RYR2: variants seen among roughly 807,000 people sequenced by gnomAD.
The protein encoded by RYR2 is ryanodine receptor 2.
A neutral mutation model predicts 601.1 loss-of-function variants in RYR2; 227 were observed. The observed-to-expected ratio is 0.38, with a 90% CI of 0.34 to 0.42. The LOEUF (loss-of-function observed/expected upper bound fraction) is 0.42, where lower values mean the gene tolerates loss of function less well. Ranked by LOEUF, RYR2 falls within the 10% of genes least tolerant of loss-of-function variation. The probability of loss-of-function intolerance (pLI) is 1.00; values close to 1 mark genes in which losing one functional copy is unlikely to be tolerated. For synonymous variants in RYR2, 2,223 were observed against 2,175.1 expected, an observed-to-expected ratio of 1.02 and a Z score of -0.61; for missense variants, 4,646 against 6,156.5, an observed-to-expected ratio of 0.75 and a Z score of 8.21.
In RYR2 at chr1:237,715,004, A is replaced by T. The variant is rs1447240236; in HGVS notation, c.10324-2194A>T. On this transcript the variant is annotated intron_variant, in intron 71 of 104. Coordinates refer to ENST00000366574, the MANE Select transcript of RYR2 (RefSeq NM_001035.3). ...GAGACTCCATCTCAAAAAAAAAAAA[A>T]AAAAAAAAAAAAAAAAAAAGGGCTC... Among the ~76,000 whole-genome samples the T allele has an allele frequency of 1.9e-4, 25 of 128,944 alleles. 2 individuals are homozygous for T. The South Asian group carries it at 2.5e-3, about 13-fold the overall frequency. 84.6% of individuals were successfully genotyped at this position (128,944 alleles called of 152,430 possible).
At position 237,695,772 on chromosome 1, in the gene RYR2, A is replaced by G. The variant is rs143698225; in HGVS notation, c.9068-3193A>G. Among the ~76,000 whole-genome samples, 524 of 152,326 alleles carry G rather than the reference A, an allele frequency of 3.4e-3. 4 individuals carry two copies. Among genetic ancestry groups the G allele is most frequent in the African/African-American group, 0.012 (497 of 41,576 alleles). On this transcript the variant is annotated intron_variant, in intron 63 of 104. Transcript: ENST00000366574. ...GATTGACACTTTTGCCTGGTCTACAAATTAAAATATTGAAGACTCTACTTT... is the reference window on the plus strand; with the variant it reads ...GATTGACACTTTTGCCTGGTCTACAGATTAAAATATTGAAGACTCTACTTT...
intron 10 of RYR2, among the ~76,000 whole-genome samples, chr1:237,401,275 A>G (rs529898116): frequency 6.6e-6 from 1 of 152,210 alleles, no homozygotes; most frequent in Non-Finnish European, 1.5e-5. Flanking sequence ...TATTTCTGAC[A>G]CTAACCACCT....
chr1:237,535,010 A>G (rs1345828246), intron 25 of RYR2, among the ~76,000 whole-genome samples: 1 of 151,948 alleles, frequency 6.6e-6, no homozygotes, highest in African/African-American at 2.4e-5. Context: ...GGCAAGTTCA[A>G]TATATAATAC....
At chr1:237,642,603 T>G (rs1412954632) in intron 47 of RYR2, among the ~76,000 whole-genome samples, 2 of 152,208 alleles carry the variant, frequency 1.3e-5, no homozygotes, top group African/African-American at 4.8e-5. Context: ...AATTTATGCA[T>G]CTTCACAACT....
At chr1:237,688,079 A>G (rs1009456042) in intron 63 of RYR2, among the ~76,000 whole-genome samples, 63 of 152,150 alleles carry the variant, frequency 4.1e-4, no homozygotes, top group African/African-American at 1.4e-3. Context: ...GCTGGAGTCC[A>G]TGTTCCAGAG....
At chr1:237,632,389 C>CTTTTTTTTTTT (rs11448751) in intron 42 of RYR2, among the ~76,000 whole-genome samples, 1 of 127,370 alleles carries the variant, frequency 7.9e-6, no homozygotes, top group African/African-American at 2.8e-5. Context: ...AAAGTGAATT[C>CTTTTTTTTTTT]TTTTTTTTTT....
intron 1 of RYR2, among the ~76,000 whole-genome samples, chr1:237,169,929 G>T (rs369526990): frequency 1.5e-4 from 23 of 152,012 alleles, no homozygotes; most frequent in African/African-American, 4.1e-4. Flanking sequence ...CTCAGTTTGG[G>T]CATCTCTTTT....
At chr1:237,557,946 A>G (rs1671071026) in intron 27 of RYR2, among the ~76,000 whole-genome samples, 1 of 152,212 alleles carries the variant, frequency 6.6e-6, no homozygotes, top group Admixed American at 6.5e-5. Context: ...AATTACATAT[A>G]TAAGTACAAA....
At chr1:237,164,975 T>A (rs1424129986) in intron 1 of RYR2, among the ~76,000 whole-genome samples, 1 of 994 alleles carries the variant, frequency 1.0e-3, no homozygotes, top group Admixed American at 0.029. Context: ...CTGTTTATTC[T>A]TTTTTTTTTT....
At chr1:237,045,847 G>A (rs1280791918) in intron 1 of RYR2, among the ~76,000 whole-genome samples, 1 of 135,694 alleles carries the variant, frequency 7.4e-6, no homozygotes, top group Non-Finnish European at 1.5e-5. Flanking sequence ...GAAAACCATG[G>A]TATAAAATGA....
chr1:237,697,110 T>A (rs12122294), intron 63 of RYR2, among the ~76,000 whole-genome samples: 1 of 151,496 alleles, frequency 6.6e-6, no homozygotes, highest in African/African-American at 2.4e-5. Context: ...TTGCTCTGAC[T>A]CCCTTAGCCA....
intron 12 of RYR2, among the ~76,000 whole-genome samples, chr1:237,425,676 C>T (rs1706080343): frequency 6.6e-6 from 1 of 151,406 alleles, no homozygotes; most frequent in Non-Finnish European, 1.5e-5. Context: ...ATTTTCTATG[C>T]CTTAGGTGGA....
chr1:237,635,690 C>T (rs1381652606), intron 44 of RYR2, among the ~76,000 whole-genome samples: 1 of 152,144 alleles, frequency 6.6e-6, no homozygotes, highest in East Asian at 1.9e-4. Flanking sequence ...CCATCCAGTA[C>T]TCCCCAAAGG....
intron 58 of RYR2, among the ~76,000 whole-genome samples, chr1:237,668,815 A>G (rs1170818302): frequency 6.6e-6 from 1 of 152,242 alleles, no homozygotes; most frequent in African/African-American, 2.4e-5. Context: ...GCACTAGGAA[A>G]CAGAGTAACA....
chr1:237,060,719 T>G (rs982814913), intron 1 of RYR2, among the ~76,000 whole-genome samples: 8 of 152,364 alleles, frequency 5.3e-5, no homozygotes, highest in East Asian at 1.9e-4. Flanking sequence ...ATATCAGAGA[T>G]GCATCCATGT....
intron 29 of RYR2, among the ~76,000 whole-genome samples, chr1:237,580,155 CT>C (rs58145628): frequency 1.4e-3 from 158 of 116,614 alleles, no homozygotes; most frequent in African/African-American, 3.0e-3. Context: ...CACAACAATT[CT>C]TTTTTTTTTT....
At chr1:237,549,159 T>C (rs1331737195) in intron 26 of RYR2, among the ~76,000 whole-genome samples, 1 of 152,226 alleles carries the variant, frequency 6.6e-6, no homozygotes, top group African/African-American at 2.4e-5. Context: ...ACTGAGTTAC[T>C]GTTGCAGATC....
At chr1:237,382,141 T>G (rs1701573811) in intron 8 of RYR2, among the ~76,000 whole-genome samples, 1 of 152,208 alleles carries the variant, frequency 6.6e-6, no homozygotes, top group African/African-American at 2.4e-5. Context: ...TTGGATTGTT[T>G]GCACTGGAAA....
rs192858148 is a variant in RYR2, at chr1:237,677,281, G to A, written c.8831-767G>A. Among the ~76,000 whole-genome samples, 333 of 152,116 alleles carry A rather than the reference G, an allele frequency of 2.2e-3. 3 individuals carry two copies. Among genetic ancestry groups the A allele is most frequent in the African/African-American group, 7.4e-3 (309 of 41,518 alleles). ...TCTCCAATATGTTCTGCATGCCATC[G>A]TTGTTATTATAGTTGATTATTACCT... On this transcript the variant is annotated intron_variant, in intron 60 of 104. Transcript: ENST00000366574.
Sources: allele counts gnomAD v4.1 joint callset (sites outside exome capture counted in the v4.1 genomes callset), GRCh38; gene constraint gnomAD v4.1.1; transcripts MANE v1.5; gene names NCBI Gene and HGNC (gene_info 2026-07-23, HGNC 2026-07-21).